PTPRN2: variants seen among roughly 807,000 people sequenced by gnomAD.
PTPRN2 encodes the protein receptor-type tyrosine-protein phosphatase N2.
A neutral mutation model predicts 118.8 loss-of-function variants in PTPRN2; 74 were observed. That is an observed-to-expected ratio of 0.62 (90% CI 0.52 to 0.76). The LOEUF (loss-of-function observed/expected upper bound fraction) is 0.76. Ranked by LOEUF, PTPRN2 falls within the 30% of genes least tolerant of loss-of-function variation. The pLI is 0.00. For missense variants in PTPRN2, 1,481 were observed against 1,394.4 expected (o/e 1.06, Z -0.99); for synonymous variants, 641 against 608.0 (o/e 1.05, Z -0.80).
At chr7:158,261,926 T>C (rs941977113) in intron 3 of PTPRN2, among the ~76,000 whole-genome samples, 1 of 152,192 alleles carries the variant, frequency 6.6e-6, no homozygotes, top group African/African-American at 2.4e-5. Context: ...ATCTAGGAGC[T>C]CACTTGGCCC....
chr7:157,905,927 C>T lies in PTPRN2; in HGVS notation c.1724-7190G>A, dbSNP rs561514721. Among the ~76,000 whole-genome samples, 46 of 152,226 alleles carry T rather than the reference C, an allele frequency of 3.0e-4. No homozygotes were observed. In the South Asian group the frequency reaches 8.3e-3, roughly 27 times the overall value. ...CTGGTTTCTGGCCGAGCTGAAACGA[C>T]GTCCCCTAGGGTAAGACCTGCATCC... On this transcript the variant is annotated intron_variant, in intron 11 of 22. Transcript: ENST00000389418.
At chr7:157,837,522 T>G (rs1284519917) in intron 12 of PTPRN2, among the ~76,000 whole-genome samples, 1 of 150,802 alleles carries the variant, frequency 6.6e-6, no homozygotes, top group Non-Finnish European at 1.5e-5. Flanking sequence ...GCCAGGGCCA[T>G]GTACCACATT....
At chr7:158,493,099 T>A (rs532237386) in intron 1 of PTPRN2, among the ~76,000 whole-genome samples, 3 of 152,280 alleles carry the variant, frequency 2.0e-5, no homozygotes, top group African/African-American at 7.2e-5. Context: ...TTCCCCAAAT[T>A]CTCAAATTGC....
chr7:158,181,584 G>A lies in PTPRN2; in HGVS notation c.549+10743C>T, dbSNP rs559860757. 3.5e-4 allele frequency among the ~76,000 whole-genome samples: 54 copies of A among 152,118 alleles called. 2 individuals are homozygous for A. The highest frequency in any genetic ancestry group is 3.4e-3 in the Admixed American group (52 of 15,270). ...TGGTCCTGGGCTTTTTTTGTTATGG[G>A]CAATTTTTAAGTTACTGATTCAATC... On this transcript the variant is annotated intron_variant, in intron 5 of 22. Coordinates refer to ENST00000389418, the MANE Select transcript of PTPRN2 (RefSeq NM_002847.5).
In PTPRN2 at chr7:157,874,979, G is replaced by A. The variant is rs1457202187; in HGVS notation, c.1788+23694C>T. Among the ~76,000 whole-genome samples the A allele has an allele frequency of 6.6e-6, 1 of 151,292 alleles. No homozygotes were observed. Among genetic ancestry groups the A allele is most frequent in the East Asian group, 2.0e-4 (1 of 5,114 alleles). ...CTTGTGCACATACACAGAGACACAG[G>A]CACACACAGGCAGACGCAAACGTGC... On this transcript the variant is annotated intron_variant, in intron 12 of 22. Coordinates refer to ENST00000389418, the MANE Select transcript of PTPRN2 (RefSeq NM_002847.5). The surrounding 1 kb of genome is among the most constrained non-coding windows in gnomAD (Gnocchi z 5.8).
rs867289962 is a variant in PTPRN2, at chr7:158,529,666, C to T, written c.113-39881G>A. Among the ~76,000 whole-genome samples the T allele has an allele frequency of 6.6e-6, 1 of 152,182 alleles. No homozygotes were observed. Among genetic ancestry groups the T allele is most frequent in the Non-Finnish European group, 1.5e-5 (1 of 68,030 alleles). On this transcript the variant is annotated intron_variant, in intron 1 of 22. Coordinates refer to ENST00000389418, the MANE Select transcript of PTPRN2 (RefSeq NM_002847.5). The surrounding 1 kb of genome is among the most constrained non-coding windows in gnomAD (Gnocchi z 4.7). ...TGGGAATGACAGCAGCTTCCCTCTGCGGACACAGCACACACTCACCACACC... is the reference window on the plus strand; with the variant it reads ...TGGGAATGACAGCAGCTTCCCTCTGTGGACACAGCACACACTCACCACACC...
intron 6 of PTPRN2, 39 bp downstream of exon 6, chr7:158,166,892 C>G: frequency 7.0e-7 from 1 of 1,419,050 alleles, no homozygotes; most frequent in South Asian, 1.7e-5. Flanking sequence ...GGACAGAGGA[C>G]AGTCAGCAAA....
rs1802849096 is a variant in PTPRN2 at position 157,977,595 on chromosome 7, G to A, written c.1724-78858C>T. Among the ~76,000 whole-genome samples, 2 of 151,836 alleles carry A rather than the reference G, an allele frequency of 1.3e-5. No individual in the cohort carries two copies. The highest frequency in any genetic ancestry group is 1.3e-4 in the Admixed American group (2 of 15,268). Reference sequence around the variant, plus strand: ...GTGGGATGACGTGAGAAGGCCCCAGGTGGGATGACGTGAGTGTGTTCATGG... The same window carrying A: ...GTGGGATGACGTGAGAAGGCCCCAGATGGGATGACGTGAGTGTGTTCATGG... On this transcript the variant is annotated intron_variant, in intron 11 of 22. Coordinates refer to ENST00000389418, the MANE Select transcript of PTPRN2 (RefSeq NM_002847.5). The surrounding 1 kb of genome is among the most constrained non-coding windows in gnomAD (Gnocchi z 4.6).
intron 12 of PTPRN2, among the ~76,000 whole-genome samples, chr7:157,841,294 G>A (rs1048244319): frequency 1.1e-4 from 16 of 152,080 alleles, no homozygotes; most frequent in African/African-American, 2.9e-4. Context: ...GCTGAACATC[G>A]GTGAAGAGAC....
At chr7:158,060,783 T>C (rs1810270331) in intron 11 of PTPRN2, among the ~76,000 whole-genome samples, 1 of 152,360 alleles carries the variant, frequency 6.6e-6, no homozygotes, top group East Asian at 1.9e-4. Context: ...GGGAAGGTTT[T>C]GCAAAGCGAT....
intron 12 of PTPRN2, among the ~76,000 whole-genome samples, chr7:157,842,439 G>A (rs752515213): frequency 7.4e-6 from 1 of 135,672 alleles, no homozygotes; most frequent in Non-Finnish European, 1.5e-5. Flanking sequence ...TTTTGAGACG[G>A]TGTCTCGCTC....
At chr7:158,318,180 A>C (rs1398979475) in intron 2 of PTPRN2, among the ~76,000 whole-genome samples, 1 of 152,110 alleles carries the variant, frequency 6.6e-6, no homozygotes, top group Non-Finnish European at 1.5e-5. Flanking sequence ...GACAGGCCGC[A>C]CCACAGGCGG....
chr7:158,017,875 C>T (rs1364687008), intron 11 of PTPRN2, among the ~76,000 whole-genome samples: 1 of 152,144 alleles, frequency 6.6e-6, no homozygotes, highest in Non-Finnish European at 1.5e-5. Context: ...CATCGGGGTC[C>T]CCTTCTTTTA....
chr7:157,919,143 C>G (rs1218568939), intron 11 of PTPRN2, among the ~76,000 whole-genome samples: 4 of 152,148 alleles, frequency 2.6e-5, no homozygotes, highest in Admixed American at 2.0e-4. Flanking sequence ...TGATCAAGCT[C>G]TATGGTCTAG....
At chr7:158,150,502 C>T (rs1477066484) in intron 6 of PTPRN2, among the ~76,000 whole-genome samples, 1 of 152,164 alleles carries the variant, frequency 6.6e-6, no homozygotes. Flanking sequence ...ACCTTCACTG[C>T]AAAGCTAACC....
chr7:157,968,377 G>A (rs1802089262), intron 11 of PTPRN2, among the ~76,000 whole-genome samples: 1 of 152,174 alleles, frequency 6.6e-6, no homozygotes, highest in African/African-American at 2.4e-5. Context: ...TGTGCTGACT[G>A]GCATCGTCTG....
intron 12 of PTPRN2, among the ~76,000 whole-genome samples, chr7:157,829,153 GACA>G (rs1807383864): frequency 6.6e-6 from 1 of 152,228 alleles, no homozygotes; most frequent in African/African-American, 2.4e-5. Context: ...TTTTAATAAG[GACA>G]ACTAAATTTG....
At chr7:157,857,593 CCTT>C (rs1296210088) in intron 12 of PTPRN2, 2 of 152,264 alleles carry the variant, frequency 1.3e-5, no homozygotes, top group East Asian at 1.9e-4. Context: ...AGTCACAGCT[CCTT>C]CTGCATCATC....
intron 1 of PTPRN2, among the ~76,000 whole-genome samples, chr7:158,578,617 G>C (rs1363616664): frequency 1.3e-5 from 2 of 151,802 alleles, no homozygotes; most frequent in African/African-American, 4.8e-5. Flanking sequence ...GATGCCGACT[G>C]TTGGGTTTAT....
Sources: allele counts gnomAD v4.1 joint callset (sites outside exome capture counted in the v4.1 genomes callset), GRCh38; gene constraint gnomAD v4.1.1; non-coding constraint Gnocchi (gnomAD v3.1); transcripts MANE v1.5; gene names NCBI Gene and HGNC (gene_info 2026-07-23, HGNC 2026-07-21).